RNF214: variants seen among roughly 807,000 people sequenced by gnomAD.
RNF214 encodes ring finger protein 214.
In RNF214, 25 loss-of-function variants were observed where a neutral mutation model predicts 75.9. The observed-to-expected ratio is 0.33, with a 90% CI of 0.24 to 0.46. The LOEUF is 0.46. RNF214 is among the 20% of genes least tolerant of loss of function. The probability of loss-of-function intolerance (pLI) is 1.00; values close to 1 mark genes in which losing one functional copy is unlikely to be tolerated. For synonymous variants in RNF214, 314 were observed against 308.8 expected (o/e 1.02, Z -0.18); for missense variants, 725 against 857.5 (o/e 0.85, Z 1.93).
At chr11:117,239,268 CAAT>C in intron 3 of RNF214, 157 bp downstream of exon 3, 1 of 667,496 alleles carries the variant, frequency 1.5e-6, no homozygotes, top group Non-Finnish European at 2.5e-6. Flanking sequence ...CAGTGCCATA[CAAT>C]GACTTCATTC....
At chr11:117,244,858 G>A (rs922982385) in intron 5 of RNF214, among the ~76,000 whole-genome samples, 1 of 151,502 alleles carries the variant, frequency 6.6e-6, no homozygotes, top group Non-Finnish European at 1.5e-5. Context: ...GTAGAGACGG[G>A]GTTTTGTCAT....
intron 6 of RNF214, among the ~76,000 whole-genome samples, chr11:117,274,352 ACTT>A (rs2033968103): frequency 8.9e-6 from 1 of 112,950 alleles, no homozygotes; most frequent in Non-Finnish European, 1.8e-5. Context: ...AAAACAAATG[ACTT>A]CTTTTTTTTT....
At chr11:117,269,828 A>T (rs979763927) in intron 6 of RNF214, among the ~76,000 whole-genome samples, 8 of 152,196 alleles carry the variant, frequency 5.3e-5, no homozygotes, top group Non-Finnish European at 1.2e-4. Context: ...TCCTTGACTT[A>T]CTATGGGGCT....
intron 3 of RNF214, 185 bp from the exon 4 acceptor site, chr11:117,239,616 C>T (rs985937741): frequency 1.3e-4 from 78 of 588,542 alleles, no homozygotes; most frequent in Non-Finnish European, 1.7e-4. Context: ...TTTGTGGGAC[C>T]GATGATTAAT....
chr11:117,255,319 C>A (rs769510998), intron 6 of RNF214, among the ~76,000 whole-genome samples: 1 of 152,082 alleles, frequency 6.6e-6, no homozygotes, highest in Non-Finnish European at 1.5e-5. Flanking sequence ...GCATCCCACT[C>A]CCTTTTGCTT....
At chr11:117,234,635 C>G (rs185299965) in intron 2 of RNF214, among the ~76,000 whole-genome samples, 1 of 152,262 alleles carries the variant, frequency 6.6e-6, no homozygotes, top group East Asian at 1.9e-4. Context: ...CATTTTCCAG[C>G]CCTTTCCTAC....
At chr11:117,247,036 C>A in intron 6 of RNF214, 88 bp downstream of exon 6, 1 of 1,105,278 alleles carries the variant, frequency 9.0e-7, no homozygotes, top group Non-Finnish European at 1.2e-6. Context: ...TCTTTCCCTT[C>A]GGTTTAATTT....
At chr11:117,250,605 AT>A (rs1355938401) in intron 6 of RNF214, among the ~76,000 whole-genome samples, 14,735 of 47,814 alleles carry the variant, frequency 0.31, 963 homozygotes, top group East Asian at 0.51. Flanking sequence ...TTATTTATTT[AT>A]TTATTTTTTT....
At chr11:117,272,457 G>A (rs570152937) in intron 6 of RNF214, among the ~76,000 whole-genome samples, 1 of 152,254 alleles carries the variant, frequency 6.6e-6, no homozygotes, top group East Asian at 1.9e-4. Flanking sequence ...AGGAAGAGGA[G>A]GGAGAGCATT....
chr11:117,267,708 G>A (rs893967922), intron 6 of RNF214, among the ~76,000 whole-genome samples: 1 of 151,492 alleles, frequency 6.6e-6, no homozygotes, highest in Non-Finnish European at 1.5e-5. Context: ...CAGCCTGGGC[G>A]ACAGAGCAAG....
chr11:117,242,488 C>G (rs577292202), intron 4 of RNF214, among the ~76,000 whole-genome samples: 20 of 152,290 alleles, frequency 1.3e-4, no homozygotes, highest in African/African-American at 4.8e-4. Context: ...AGTTACTGGG[C>G]CAGAAGAGGC....
intron 4 of RNF214, among the ~76,000 whole-genome samples, chr11:117,241,201 AAAAC>A (rs1253118091): frequency 1.1e-4 from 16 of 151,530 alleles, no homozygotes; most frequent in East Asian, 9.8e-4. Context: ...CAACAACAAA[AAAAC>A]AAAAATTAGC....
intron 6 of RNF214, among the ~76,000 whole-genome samples, chr11:117,248,121 G>C (rs1021293832): frequency 1.3e-5 from 2 of 151,922 alleles, no homozygotes; most frequent in Admixed American, 6.6e-5. Flanking sequence ...TGTTCCCCAG[G>C]CTGGAGTGCA....
In RNF214 at chr11:117,282,226, G is replaced by A. The variant is rs748984209; in HGVS notation, c.1668G>A (p.Glu556=). The change falls in exon 11 of 15, where the codon GAG becomes GAA. Residue 556 remains glutamate, a synonymous_variant. Transcript: ENST00000300650. The stretch of plus-strand genomic sequence containing the variant: ...GGCCCCAACCAGTAGACAAACTGGA[G>A]AAGATCCTGGAGAAGCTGCTGACCC... ...TPRPQPVDKL[E]KILEKLLTRF... 1.2e-6 allele frequency: 2 copies of A among 1,607,688 alleles called. No homozygotes were observed. The highest frequency in any genetic ancestry group is 1.7e-6 in the Non-Finnish European group (2 of 1,176,358).
rs139921216 is a variant in RNF214 at position 117,253,769 on chromosome 11, G to A, written c.959+6821G>A. Among the ~76,000 whole-genome samples, 13 of 152,302 alleles carry A rather than the reference G, an allele frequency of 8.5e-5. 1 individual carries two copies. The highest frequency in any genetic ancestry group is 3.4e-3 in the Middle Eastern group (1 of 294). On this transcript the variant is annotated intron_variant, in intron 6 of 14. Coordinates refer to ENST00000300650, the MANE Select transcript of RNF214 (RefSeq NM_207343.4). ...TAAGTAAGGCTCGTGGTGACCCTGTGTTTTAAAAGACATAATTGATTTATA... is the reference window on the plus strand; with the variant it reads ...TAAGTAAGGCTCGTGGTGACCCTGTATTTTAAAAGACATAATTGATTTATA...
In RNF214 at chr11:117,238,927, C is replaced by T; in HGVS notation, c.434C>T (p.Ala145Val). ...GCAGGGTGCCATACTAAGCAGCTTG[C>T]CTCCAGGAATTGCTCTGAAGAGAAA... is the stretch of plus-strand genomic sequence containing the variant. The part of the protein sequence containing the change: ...LKAGCHTKQL[A>V]SRNCSEEKSP... The change falls in exon 3 of 15, where the codon GCC becomes GTC. Residue 145 changes from alanine to valine, a missense_variant. Physicochemically the swap from Ala to Val is moderately conservative, Grantham distance 64. This residue lies in a region of RNF214 where 362 missense variants were observed against 344.5 expected (regional missense o/e 1.05). Coordinates refer to ENST00000300650, the MANE Select transcript of RNF214 (RefSeq NM_207343.4). 3 of 1,614,116 alleles carry T rather than the reference C, an allele frequency of 1.9e-6. No homozygotes were observed. The highest frequency in any genetic ancestry group is 2.7e-5 in the African/African-American group (2 of 75,016).
chr11:117,264,888 A>C (rs1311441535), intron 6 of RNF214, among the ~76,000 whole-genome samples: 1 of 151,424 alleles, frequency 6.6e-6, no homozygotes, highest in African/African-American at 2.4e-5. Context: ...ACATGGTGAA[A>C]CCTCGTCTCT....
chr11:117,244,710 G>C lies in RNF214; in HGVS notation c.819+125G>C, dbSNP rs1341152404. The C allele has an allele frequency of 1.3e-5, 9 of 694,928 alleles. No homozygotes were observed. The East Asian group carries it at 3.2e-4, about 25-fold the overall frequency. The allele number at this position is 694,928 out of a possible 1,614,324, so 43.0% of individuals were successfully genotyped here. A position where few individuals can be genotyped will look rare whatever the true frequency, so the allele number is the denominator to read the frequency against. On this transcript the variant is annotated intron_variant, in intron 5 of 14. Transcript: ENST00000300650. ...AGACAGAGTCTCACTCTGTCACTCA[G>C]GCTGGAATGTGGTAGCATAATCTTG...
At chr11:117,282,992 A>C (rs2034161307) in intron 13 of RNF214, 123 bp from the exon 14 acceptor site, 6 of 987,216 alleles carry the variant, frequency 6.1e-6, no homozygotes, top group Non-Finnish European at 9.3e-6. Flanking sequence ...TTTAGGCAAG[A>C]ATCTATATTT....
Sources: gnomAD v4.1 joint callset for allele counts (sites outside exome capture counted in the v4.1 genomes callset) on GRCh38, gnomAD v4.1.1 for gene constraint, gnomAD v4.1.1 regional missense constraint, MANE v1.5 for transcripts, NCBI Gene and HGNC (gene_info 2026-07-23, HGNC 2026-07-21) for gene names.